The following CERS6 variants were observed in gnomAD, a reference collection of about 807,000 sequenced individuals.
CERS6 encodes ceramide synthase 6, also known as LAG1 homolog, ceramide synthase 6.
A neutral mutation model predicts 56.8 loss-of-function variants in CERS6; 26 were observed. The ratio of observed to expected loss-of-function variants is 0.46; its 90% CI spans 0.34 to 0.63. The LOEUF is 0.63. Among genes scored for constraint, CERS6 ranks in the 30% least tolerant of loss-of-function variants. CERS6 has a pLI of 0.01. For missense variants in CERS6, 415 were observed against 467.5 expected (o/e 0.89, Z 1.04); for synonymous variants, 164 against 173.3 (o/e 0.95, Z 0.42).
chr2:168,678,147 C>A (rs1265250874), intron 4 of CERS6, among the ~76,000 whole-genome samples: 1 of 152,180 alleles, frequency 6.6e-6, no homozygotes, highest in Non-Finnish European at 1.5e-5. Context: ...AGCACCATTG[C>A]TTTTTTACCA....
intron 4 of CERS6, among the ~76,000 whole-genome samples, chr2:168,686,466 A>AAG (rs3066984): frequency 6.6e-6 from 1 of 151,112 alleles, no homozygotes; most frequent in African/African-American, 2.4e-5. Flanking sequence ...AAAAAAAAAA[A>AAG]TTAAGGAAGG....
chr2:168,492,823 T>TTG (rs1558970402), intron 1 of CERS6, among the ~76,000 whole-genome samples: 1 of 152,160 alleles, frequency 6.6e-6, no homozygotes, highest in African/African-American at 2.4e-5. Context: ...ATTAAAAAGT[T>TTG]TGTCCTGTCA....
At chr2:168,474,131 T>C (rs894699699) in intron 1 of CERS6, among the ~76,000 whole-genome samples, 10 of 152,232 alleles carry the variant, frequency 6.6e-5, no homozygotes, top group Non-Finnish European at 1.2e-4. Flanking sequence ...TTGTCTTTTT[T>C]CCACGTAAGG....
At chr2:168,702,295 T>C (rs1284984857) in intron 6 of CERS6, among the ~76,000 whole-genome samples, 4 of 152,190 alleles carry the variant, frequency 2.6e-5, no homozygotes, top group Admixed American at 6.5e-5. Context: ...TCTTTTTCTT[T>C]TGAACTGAAC....
chr2:168,752,215 G>C (rs921984201), intron 8 of CERS6, among the ~76,000 whole-genome samples: 5 of 151,694 alleles, frequency 3.3e-5, no homozygotes, highest in African/African-American at 1.2e-4. Flanking sequence ...AAGGCAGTAG[G>C]ATCATTTGAG....
intron 3 of CERS6, among the ~76,000 whole-genome samples, chr2:168,605,218 A>G (rs1684025506): frequency 1.3e-5 from 2 of 152,200 alleles, no homozygotes; most frequent in African/African-American, 2.4e-5. Flanking sequence ...TCTTTAGCAA[A>G]GAACTTTGAG....
At chr2:168,709,753 A>G (rs1263661729) in intron 6 of CERS6, among the ~76,000 whole-genome samples, 1 of 152,186 alleles carries the variant, frequency 6.6e-6, no homozygotes, top group Non-Finnish European at 1.5e-5. Flanking sequence ...GTGTGCACTA[A>G]TCACTTTCAG....
chr2:168,580,351 G>T (rs1683378680), intron 3 of CERS6, among the ~76,000 whole-genome samples: 1 of 151,664 alleles, frequency 6.6e-6, no homozygotes, highest in African/African-American at 2.4e-5. Context: ...TGAAATTATA[G>T]ACTCAATTTT....
intron 1 of CERS6, 120 bp from the exon 2 acceptor site, chr2:168,547,476 C>A: frequency 1.2e-5 from 7 of 604,190 alleles, no homozygotes; most frequent in Non-Finnish European, 2.1e-5. Context: ...ACAATGTACA[C>A]CCATGAAATC....
At chr2:168,559,733 T>TTATATATATATGTATATATATATATATA in intron 2 of CERS6, among the ~76,000 whole-genome samples, 1 of 66,246 alleles carries the variant, frequency 1.5e-5, no homozygotes, top group Non-Finnish European at 3.2e-5. Flanking sequence ...TAGAAAGGTA[T>TTATATATATATGTATATATATATATATA]CATATATATA....
At chr2:168,768,230 T>C (rs1422733247) in intron 9 of CERS6, among the ~76,000 whole-genome samples, 5 of 150,786 alleles carry the variant, frequency 3.3e-5, no homozygotes, top group Non-Finnish European at 5.9e-5. Flanking sequence ...TTTTGTTTTG[T>C]TTTGTTTTGT....
At chr2:168,503,675 C>T (rs1694624191) in intron 1 of CERS6, among the ~76,000 whole-genome samples, 1 of 152,056 alleles carries the variant, frequency 6.6e-6, no homozygotes, top group African/African-American at 2.4e-5. Context: ...AGTTAGGGCT[C>T]TCATGGTGTT....
In CERS6 at chr2:168,757,761, T is replaced by G. The variant is rs568786753; in HGVS notation, c.846-7831T>G. Among the ~76,000 whole-genome samples, 39 of 152,288 alleles carry G rather than the reference T, an allele frequency of 2.6e-4. 1 individual carries two copies. The highest frequency in any genetic ancestry group is 6.2e-4 in the South Asian group (3 of 4,820). ...AGTAACTTCCATGTTTGCTACAGAT[T>G]AATAGATTAGTGACTAATAATTAGG... On this transcript the variant is annotated intron_variant, in intron 8 of 9. Transcript: ENST00000305747.
At chr2:168,582,530 G>T (rs1484667409) in intron 3 of CERS6, among the ~76,000 whole-genome samples, 2 of 151,968 alleles carry the variant, frequency 1.3e-5, no homozygotes, top group Non-Finnish European at 2.9e-5. Flanking sequence ...GGGAAAGGAA[G>T]TATTAATAAG....
At chr2:168,613,341 C>T (rs895266302) in intron 3 of CERS6, among the ~76,000 whole-genome samples, 1 of 152,090 alleles carries the variant, frequency 6.6e-6, no homozygotes, top group South Asian at 2.1e-4. Context: ...GTTCACCTAG[C>T]AGGAGCACGT....
At chr2:168,626,063 C>G (rs1184579969) in intron 3 of CERS6, among the ~76,000 whole-genome samples, 1 of 152,148 alleles carries the variant, frequency 6.6e-6, no homozygotes, top group Non-Finnish European at 1.5e-5. Context: ...AGCCTAGTTT[C>G]CAATCCTGAC....
In CERS6 at chr2:168,580,847, C is replaced by T. The variant is rs146309866; in HGVS notation, c.407+19525C>T. On this transcript the variant is annotated intron_variant, in intron 3 of 9. Coordinates refer to ENST00000305747, the MANE Select transcript of CERS6 (RefSeq NM_203463.3). Reference sequence around the variant, plus strand: ...CACTGTCTTCTTGCTTACATGCTTGCCACAGAGAAGCCATAGTCACTCTGT... The same window carrying T: ...CACTGTCTTCTTGCTTACATGCTTGTCACAGAGAAGCCATAGTCACTCTGT... Among the ~76,000 whole-genome samples, 113 of 152,210 alleles carry T rather than the reference C, an allele frequency of 7.4e-4. 1 individual carries two copies. The highest frequency in any genetic ancestry group is 2.1e-3 in the African/African-American group (86 of 41,534).
intron 3 of CERS6, among the ~76,000 whole-genome samples, chr2:168,590,593 A>G (rs900665137): frequency 2.0e-5 from 3 of 152,224 alleles, no homozygotes; most frequent in African/African-American, 7.2e-5. Context: ...AGACTATTTT[A>G]GTATAATTAG....
intron 1 of CERS6, among the ~76,000 whole-genome samples, chr2:168,519,734 G>A (rs1413640231): frequency 6.6e-6 from 1 of 152,192 alleles, no homozygotes; most frequent in Admixed American, 6.5e-5. Context: ...TTTTATGGCT[G>A]TGTAGTATTC....
Sources: gnomAD v4.1 joint callset for allele counts (sites outside exome capture counted in the v4.1 genomes callset) on GRCh38, gnomAD v4.1.1 for gene constraint, MANE v1.5 for transcripts, NCBI Gene and HGNC (gene_info 2026-07-23, HGNC 2026-07-21) for gene names.